The following SIPA1 variants were observed in gnomAD, a reference collection of about 807,000 sequenced individuals.
SIPA1 encodes the protein signal-induced proliferation-associated 1.
A neutral mutation model predicts 88.1 loss-of-function variants in SIPA1; 51 were observed. The observed-to-expected ratio is 0.58, with a 90% CI of 0.46 to 0.73. The LOEUF (loss-of-function observed/expected upper bound fraction) is 0.73. SIPA1 is among the 30% of genes least tolerant of loss of function. The probability of loss-of-function intolerance (pLI) is 0.00; values close to 1 mark genes in which losing one functional copy is unlikely to be tolerated. For synonymous variants in SIPA1, 681 were observed against 664.8 expected (o/e 1.02, Z -0.37); for missense variants, 1,348 against 1,467.6 (o/e 0.92, Z 1.33).
rs147966846 is a variant in SIPA1, at chr11:65,649,661, C to A, written c.2626C>A (p.Pro876Thr). 749 of 1,614,054 alleles carry A rather than the reference C, an allele frequency of 4.6e-4. No individual in the cohort carries two copies. The African/African-American group carries it at 8.9e-3, about 19-fold the overall frequency. The change falls in exon 11 of 16, where the codon CCC becomes ACC. Residue 876 changes from proline to threonine, a missense_variant. Transcript: ENST00000534313. ...AGTACCCAGTGCTGACAGTGAGACA[C>A]CCCTGACCCAGGTGAGCAGAAACCA... The part of the protein sequence containing the change: ...PSVPSADSET[P>T]LTQDRPGSPS...
In SIPA1 at chr11:65,641,613, A is replaced by C; in HGVS notation, c.679+13A>C. 2 of 1,591,654 alleles carry C rather than the reference A, an allele frequency of 1.3e-6. No individual in the cohort carries two copies. The highest frequency in any genetic ancestry group is 1.7e-6 in the Non-Finnish European group (2 of 1,168,688). ...TTCTATGGCAAAGGTGAGGAAAGGCAGTTCCAGGGAGTGGAGGAGGGGGGC... is the reference window on the plus strand; with the variant it reads ...TTCTATGGCAAAGGTGAGGAAAGGCCGTTCCAGGGAGTGGAGGAGGGGGGC... On this transcript the variant is annotated intron_variant, in intron 2 of 15. Coordinates refer to ENST00000534313, the MANE Select transcript of SIPA1 (RefSeq NM_006747.4).
chr11:65,647,604 C>T lies in SIPA1; in HGVS notation c.2252C>T (p.Ala751Val). ...GCCGCTGCCCAGCTCCTGCGCTCGG[C>T]GCCCAAGGTCTGCGTCACCGTCCTG... ...PEAAAQLLRS[A>V]PKVCVTVLPP... The change falls in exon 9 of 16, where the codon GCG (alanine) becomes GTG (valine). Residue 751 changes from alanine to valine, a missense_variant. Transcript: ENST00000534313. The T allele has an allele frequency of 2.9e-6, 4 of 1,402,596 alleles. No individual in the cohort carries two copies. The highest frequency in any genetic ancestry group is 3.7e-6 in the Non-Finnish European group (4 of 1,082,140). 86.9% of individuals were successfully genotyped at this position (1,402,596 alleles called of 1,614,324 possible). A position where few individuals can be genotyped will look rare whatever the true frequency, so the allele number is the denominator to read the frequency against.
rs1222107321 is a variant in SIPA1, at chr11:65,649,479, A to C, written c.2524A>C (p.Ser842Arg). 1 of 1,613,466 alleles carries C rather than the reference A, an allele frequency of 6.2e-7. No homozygotes were observed. Among genetic ancestry groups the C allele is most frequent in the Admixed American group, 1.7e-5 (1 of 59,972 alleles). Residue 842 changes from serine (S) to arginine (R), a missense_variant and splice_region_variant, in exon 10 of 16, where the codon AGC becomes CGC. This residue lies in a region of SIPA1 where 615 missense variants were observed against 559.8 expected (regional missense o/e 1.10). Coordinates refer to ENST00000534313, the MANE Select transcript of SIPA1 (RefSeq NM_006747.4). Reference sequence around the variant, plus strand: ...CAGCCAGAACTCGCTGTCACCACGCAGGTGCACACTCTTGGCCTTCCCTCT... The same window carrying C: ...CAGCCAGAACTCGCTGTCACCACGCCGGTGCACACTCTTGGCCTTCCCTCT... ...LHSQNSLSPR[S>R]SLSDEAPVLP...
rs915213584 is a variant in SIPA1 at position 65,650,559 on chromosome 11, G to A, written c.2983-10G>A. 4.4e-6 allele frequency: 7 copies of A among 1,607,904 alleles called. No individual in the cohort carries two copies. The highest frequency in any genetic ancestry group is 1.3e-5 in the African/African-American group (1 of 74,900). On this transcript the variant is annotated splice_polypyrimidine_tract_variant and intron_variant, in intron 15 of 15. Coordinates refer to ENST00000534313, the MANE Select transcript of SIPA1 (RefSeq NM_006747.4). ...TGGCGGCTCTGACTCCTGTCTCCCC[G>A]GCACCCCAGGAGAAGGCGGACAGGG...
chr11:65,647,410 C>T lies in SIPA1; in HGVS notation c.2058C>T (p.Arg686=), dbSNP rs1191803181. The T allele has an allele frequency of 2.7e-6, 4 of 1,464,916 alleles. No homozygotes were observed. The East Asian group carries it at 9.1e-5, about 33-fold the overall frequency. The allele number at this position is 1,464,916 out of a possible 1,614,324, so 90.7% of individuals were successfully genotyped here. ...LQLVSRGCET[R]ELALPRDGQG... ...TGGTGAGCCGTGGCTGCGAGACCCG[C>T]GAGCTGGCGCTGCCCCGCGACGGTC... is the stretch of plus-strand genomic sequence containing the variant. Residue 686 remains arginine, a synonymous_variant, in exon 9 of 16, where the codon CGC becomes CGT. Coordinates refer to ENST00000534313, the MANE Select transcript of SIPA1 (RefSeq NM_006747.4).
intron 8 of SIPA1, 73 bp from the exon 9 acceptor site, chr11:65,647,311 C>A (rs1308878414): frequency 2.9e-6 from 4 of 1,369,858 alleles, no homozygotes; most frequent in Non-Finnish European, 2.8e-6. Flanking sequence ...GCCTGGGACG[C>A]AGTCCAGGGG....
intron 8 of SIPA1, 46 bp from the exon 9 acceptor site, chr11:65,647,338 C>A: frequency 7.3e-7 from 1 of 1,373,016 alleles, no homozygotes; most frequent in Non-Finnish European, 9.3e-7. Context: ...GCTGGGGCGG[C>A]CCCACCTCCC....
Position 65,642,528 on chromosome 11 carries a change from C to T in SIPA1, c.873C>T (p.Ser291=). The T allele has an allele frequency of 6.2e-7, 1 of 1,608,636 alleles. No homozygotes were observed. Among genetic ancestry groups the T allele is most frequent in the Non-Finnish European group, 8.5e-7 (1 of 1,179,286 alleles). The change falls in exon 4 of 16, where the codon TCC becomes TCT. Residue 291 remains serine (S), a synonymous_variant. Coordinates refer to ENST00000534313, the MANE Select transcript of SIPA1 (RefSeq NM_006747.4). The surrounding 1 kb of genome is among the most constrained non-coding windows in gnomAD (Gnocchi z 6.5). ...ALPPGPPRGL[S]PRKLLEHVAP... ...CGCCGGGGCCCCCACGGGGTCTGTC[C>T]CCAAGGAAACTTCTGGAGCACGTGG...
rs1397741992 is a variant in SIPA1 at position 65,642,900 on chromosome 11, A to ACTTT, written c.984+262_984+265dup. Among the ~76,000 whole-genome samples, 20 of 69,226 alleles carry ACTTT rather than the reference A, an allele frequency of 2.9e-4. No homozygotes were observed. The highest frequency in any genetic ancestry group is 1.2e-3 in the African/African-American group (18 of 14,726). 45.4% of individuals were successfully genotyped at this position (69,226 alleles called of 152,430 possible). On this transcript the variant is annotated intron_variant, in intron 4 of 15. Coordinates refer to ENST00000534313, the MANE Select transcript of SIPA1 (RefSeq NM_006747.4). The surrounding 1 kb of genome is among the most constrained non-coding windows in gnomAD (Gnocchi z 6.5). ...CCAGACCATCTGAATCAGAGTTTGC[A>ACTTT]CTTTATTTATTTATTTATTTATTTA... is the stretch of plus-strand genomic sequence containing the variant.
In SIPA1 at chr11:65,642,619, C is replaced by G; in HGVS notation, c.964C>G (p.Leu322Val). The change falls in exon 4 of 16, where the codon CTC (leucine) becomes GTC (valine). Residue 322 changes from leucine (L) to valine (V), a missense_variant. By Grantham distance (32) the Leu-to-Val change is conservative. Coordinates refer to ENST00000534313, the MANE Select transcript of SIPA1 (RefSeq NM_006747.4). This position sits in a 1 kb window ranked among gnomAD's most constrained non-coding sequence, Gnocchi z 6.5. ...TTCACCCAAGGTACCACGGACGCTG[C>G]TCACACTGGATGAGCAAGTGGTGAG... Reference protein sequence around the residue: ...SASPKVPRTLLTLDEQVLSFQ... With the variant: ...SASPKVPRTLVTLDEQVLSFQ... 1 of 1,577,448 alleles carries G rather than the reference C, an allele frequency of 6.3e-7. No homozygotes were observed. Among genetic ancestry groups the G allele is most frequent in the South Asian group, 1.1e-5 (1 of 89,074 alleles).
At chr11:65,648,776 C>T (rs1161128617) in intron 9 of SIPA1, among the ~76,000 whole-genome samples, 2 of 151,766 alleles carry the variant, frequency 1.3e-5, no homozygotes, top group Non-Finnish European at 2.9e-5. Context: ...GAGGAGGTTG[C>T]CATGAGCTGT....
chr11:65,647,209 C>G, intron 8 of SIPA1, 144 bp downstream of exon 8: 1 of 1,400,726 alleles, frequency 7.1e-7, no homozygotes, highest in Admixed American at 3.0e-5. Context: ...TTGGCAAGGC[C>G]GGAACTGGTG....
chr11:65,650,762 G>C lies in SIPA1; in HGVS notation c.*47G>C. On this transcript the variant is annotated 3_prime_UTR_variant, in exon 16 of 16. Transcript: ENST00000534313. The stretch of plus-strand genomic sequence containing the variant: ...CCCTGAGGGCACTGTGGTCACACTG[G>C]GCCCTCCTCAGGAACTCTCCCTGCG... 6.7e-7 allele frequency: 1 copy of C among 1,492,344 alleles called. No individual in the cohort carries two copies. Among genetic ancestry groups the C allele is most frequent in the Non-Finnish European group, 8.9e-7 (1 of 1,117,916 alleles). The allele number at this position is 1,492,344 out of a possible 1,614,324, so 92.4% of individuals were successfully genotyped here. A position where few individuals can be genotyped will look rare whatever the true frequency, so the allele number is the denominator to read the frequency against.
chr11:65,650,305 G>T, intron 14 of SIPA1, 96 bp from the exon 15 acceptor site: 4 of 1,540,948 alleles, frequency 2.6e-6, no homozygotes, highest in Non-Finnish European at 3.6e-6. Context: ...ATGCCTAGAA[G>T]ACCAGCGGGG....
Position 65,649,542 on chromosome 11 carries a change from C to A in SIPA1, c.2526-19C>A. ...TGGGAAAGCGGCTTCCCTTTCTGAG[C>A]CACCCCTGCTCTCCCCAGCTCTCTG... On this transcript the variant is annotated intron_variant, in intron 10 of 15. Transcript: ENST00000534313. 2 of 1,614,046 alleles carry A rather than the reference C, an allele frequency of 1.2e-6. No individual in the cohort carries two copies. Among genetic ancestry groups the A allele is most frequent in the Non-Finnish European group, 1.7e-6 (2 of 1,179,968 alleles).
intron 9 of SIPA1, 108 bp downstream of exon 9, chr11:65,647,766 C>A: frequency 2.2e-6 from 2 of 889,392 alleles, no homozygotes; most frequent in Non-Finnish European, 2.9e-6. Context: ...GTGTGGATAC[C>A]TTTCCTTCTG....
chr11:65,647,717 T>A, intron 9 of SIPA1, 59 bp downstream of exon 9: 1 of 1,260,782 alleles, frequency 7.9e-7, no homozygotes, highest in Non-Finnish European at 1.0e-6. Context: ...CCGCGCAGTC[T>A]GCGCCTCCCG....
Position 65,645,889 on chromosome 11 carries a change from T to C in SIPA1, c.1195T>C (p.Tyr399His). Residue 399 changes from tyrosine to histidine, a missense_variant, in exon 6 of 16, where the codon TAC (tyrosine) becomes CAC (histidine). Transcript: ENST00000534313. ...AGGCACGCACTCCCTCTACACCACA[T>C]ACCAGGACCACGAGATCATGTTCCA... ...STGTHSLYTT[Y>H]QDHEIMFHVS... 1 of 1,613,690 alleles carries C rather than the reference T, an allele frequency of 6.2e-7. No homozygotes were observed. The highest frequency in any genetic ancestry group is 8.5e-7 in the Non-Finnish European group (1 of 1,179,762).
At position 65,650,498 on chromosome 11, in the gene SIPA1, T is replaced by G. The variant is rs754928297; in HGVS notation, c.2982+19T>G. ...GCAGAAGGTGAGGGGTGGGCTGAGC[T>G]TGGGGGGAGTCACAGGGCTGCCCCA... On this transcript the variant is annotated intron_variant, in intron 15 of 15. Coordinates refer to ENST00000534313, the MANE Select transcript of SIPA1 (RefSeq NM_006747.4). The G allele has an allele frequency of 4.3e-6, 7 of 1,613,896 alleles. No homozygotes were observed. The South Asian group carries it at 7.7e-5, about 18-fold the overall frequency.
Sources: gnomAD v4.1 joint callset for allele counts (sites outside exome capture counted in the v4.1 genomes callset) on GRCh38, gnomAD v4.1.1 for gene constraint, gnomAD v4.1.1 regional missense constraint, Gnocchi (gnomAD v3.1) non-coding constraint, MANE v1.5 for transcripts, NCBI Gene and HGNC (gene_info 2026-07-23, HGNC 2026-07-21) for gene names.